ULK2: variants seen among roughly 807,000 people sequenced by gnomAD.
ULK2 encodes unc-51 like autophagy activating kinase 2, also known as serine/threonine-protein kinase ULK2.
A neutral mutation model predicts 127.5 loss-of-function variants in ULK2; 76 were observed. The observed-to-expected ratio is 0.60, with a 90% CI of 0.50 to 0.72. The LOEUF (loss-of-function observed/expected upper bound fraction) is 0.72, where lower values mean the gene tolerates loss of function less well. Ranked by LOEUF, ULK2 falls within the 30% of genes least tolerant of loss-of-function variation. The pLI, the probability that ULK2 is intolerant of heterozygous loss-of-function variation, is 0.00. For synonymous variants in ULK2, 452 were observed against 461.9 expected (o/e 0.98, Z 0.28); for missense variants, 1,144 against 1,295.9 (o/e 0.88, Z 1.80).
rs1036886062 is a variant in ULK2 at position 19,796,098 on chromosome 17, C to A, written c.1994G>T (p.Gly665Val). The part of the protein sequence containing the change: ...RAEQQSKAVF[G>V]RSVSTGKLSD... ...TAGAATGGAAACAGTCTTTTACCTG[C>A]CAAACACTGCCTTGCTCTGCTGCTC... The change falls in exon 19 of 27, where the codon GGC becomes GTC. Residue 665 changes from glycine to valine, a missense_variant. Gly to Val is a moderately radical substitution (Grantham distance 109). Coordinates refer to ENST00000395544, the MANE Select transcript of ULK2 (RefSeq NM_014683.4). The A allele has an allele frequency of 1.2e-6, 2 of 1,606,394 alleles. No homozygotes were observed. Among genetic ancestry groups the A allele is most frequent in the Non-Finnish European group, 1.7e-6 (2 of 1,177,420 alleles).
chr17:19,798,716 C>T (rs1357082386), intron 17 of ULK2, among the ~76,000 whole-genome samples: 2 of 152,174 alleles, frequency 1.3e-5, no homozygotes, highest in Non-Finnish European at 2.9e-5. Context: ...CTTTAACTGG[C>T]CAACTCCTTA....
At chr17:19,821,428 TG>T (rs11325637) in intron 12 of ULK2, among the ~76,000 whole-genome samples, 146,187 of 152,124 alleles carry the variant, frequency 0.96, 70,435 homozygotes, top group African/African-American at 0.99. Flanking sequence ...TTTTTTGTTT[TG>T]GGGGGGGCCT....
At chr17:19,818,914 C>CCT (rs2041066862) in intron 12 of ULK2, among the ~76,000 whole-genome samples, 1 of 151,088 alleles carries the variant, frequency 6.6e-6, no homozygotes, top group Admixed American at 6.6e-5. Flanking sequence ...GATTCTCCTG[C>CCT]CTCAGCCTCT....
chr17:19,840,552 T>G, intron 9 of ULK2: 1 of 302,930 alleles, frequency 3.3e-6, no homozygotes, highest in South Asian at 3.9e-5. Context: ...CCTGCCTAAA[T>G]AGTCTATTAA....
intron 1 of ULK2, among the ~76,000 whole-genome samples, chr17:19,867,073 C>A (rs895953325): frequency 3.3e-5 from 5 of 152,180 alleles, no homozygotes; most frequent in Non-Finnish European, 7.4e-5. Context: ...CTCCTGCGGG[C>A]GGACCGCGGG....
chr17:19,803,799 G>A (rs1238128163), intron 15 of ULK2, among the ~76,000 whole-genome samples: 1 of 152,120 alleles, frequency 6.6e-6, no homozygotes, highest in African/African-American at 2.4e-5. Context: ...TTGTGTAAAT[G>A]CAATTTCATA....
intron 9 of ULK2, chr17:19,840,119 C>A (rs1320431725): frequency 5.3e-6 from 2 of 377,750 alleles, no homozygotes; most frequent in Non-Finnish European, 1.1e-5. Flanking sequence ...AGCTCTGGGT[C>A]ACCAAGATGT....
At chr17:19,864,302 T>C (rs187126204) in intron 3 of ULK2, among the ~76,000 whole-genome samples, 1 of 152,064 alleles carries the variant, frequency 6.6e-6, no homozygotes, top group South Asian at 2.1e-4. Flanking sequence ...ACTCCATCTC[T>C]ATGAAAAACA....
At chr17:19,795,589 T>A in intron 20 of ULK2, 33 bp downstream of exon 20, 2 of 1,569,052 alleles carry the variant, frequency 1.3e-6, no homozygotes, top group Non-Finnish European at 1.8e-6. Flanking sequence ...GCTAGCAAAT[T>A]ACCTGCCTAA....
intron 3 of ULK2, among the ~76,000 whole-genome samples, chr17:19,852,805 T>C (rs2152400355): frequency 6.6e-6 from 1 of 151,116 alleles, no homozygotes; most frequent in East Asian, 2.0e-4. Context: ...TAGTTTTTTG[T>C]TGTTGTTGTT....
chr17:19,859,731 G>C (rs1567730758), intron 3 of ULK2, among the ~76,000 whole-genome samples: 1 of 152,192 alleles, frequency 6.6e-6, no homozygotes, highest in Non-Finnish European at 1.5e-5. Context: ...GGAGTACAGT[G>C]GCCAGTGGTG....
At position 19,864,443 on chromosome 17, in the gene ULK2, G is replaced by A. The variant is rs191610262; in HGVS notation, c.225+360C>T. ...TGAGCCGAGATCAAGCCACTGCACTGCAGCCCAAGAGACAGAGTGAGACTC... is the reference window on the plus strand; with the variant it reads ...TGAGCCGAGATCAAGCCACTGCACTACAGCCCAAGAGACAGAGTGAGACTC... On this transcript the variant is annotated intron_variant, in intron 3 of 26. Transcript: ENST00000395544. Among the ~76,000 whole-genome samples, 28 of 151,454 alleles carry A rather than the reference G, an allele frequency of 1.8e-4. 1 individual carries two copies. The East Asian group carries it at 5.4e-3, about 29-fold the overall frequency.
intron 20 of ULK2, among the ~76,000 whole-genome samples, chr17:19,795,164 GAC>G (rs945841049): frequency 4.0e-5 from 6 of 151,286 alleles, no homozygotes; most frequent in Non-Finnish European, 8.8e-5. Context: ...TTTGTTTTTT[GAC>G]ACACAGGCCA....
rs1249043578 is a variant in ULK2 at position 19,835,405 on chromosome 17, A to G, written c.787+3096T>C. Among the ~76,000 whole-genome samples, 30 of 150,468 alleles carry G rather than the reference A, an allele frequency of 2.0e-4. 1 individual carries two copies. The highest frequency in any genetic ancestry group is 2.0e-3 in the Admixed American group (30 of 15,134). On this transcript the variant is annotated intron_variant, in intron 10 of 26. Transcript: ENST00000395544. ...CTCAACTAGTTTTTATATAAAGTAG[A>G]CTGTGATAAATTAAGATGCATACTG...
chr17:19,846,418 T>A (rs894498465), intron 6 of ULK2, among the ~76,000 whole-genome samples: 1 of 152,026 alleles, frequency 6.6e-6, no homozygotes, highest in African/African-American at 2.4e-5. Flanking sequence ...GGCGGGCAGA[T>A]CACCTGAGGT....
At chr17:19,777,384 C>T (rs1037227126) in intron 26 of ULK2, among the ~76,000 whole-genome samples, 197 bp downstream of exon 26, 2 of 152,178 alleles carry the variant, frequency 1.3e-5, no homozygotes, top group Admixed American at 6.5e-5. Context: ...GGATTACAGG[C>T]GTGAGACACT....
At chr17:19,801,650 G>T (rs994782501) in intron 16 of ULK2, 127 bp downstream of exon 16, 4 of 1,214,932 alleles carry the variant, frequency 3.3e-6, no homozygotes, top group Non-Finnish European at 1.2e-6. Context: ...TGGAGGGACG[G>T]GGTATGGCCT....
Position 19,816,870 on chromosome 17 carries a change from T to C in ULK2, c.975A>G (p.Pro325=). The change falls in exon 13 of 27, where the codon CCA becomes CCG. Residue 325 remains proline, a synonymous_variant. Transcript: ENST00000395544. ...CTTGTAGATAGTTGGGAGGACCCAA[T>C]GGTGGGGAAGATAAGTTTTCTTCCT... ...HIQEENLSSP[P]LGPPNYLQVS... is the part of the protein sequence containing the mutation. 6.2e-7 allele frequency: 1 copy of C among 1,611,034 alleles called. No individual in the cohort carries two copies. Among genetic ancestry groups the C allele is most frequent in the Non-Finnish European group, 8.5e-7 (1 of 1,179,114 alleles).
chr17:19,841,606 A>C, intron 8 of ULK2, 59 bp from the exon 9 acceptor site: 1 of 1,357,782 alleles, frequency 7.4e-7, no homozygotes, highest in Non-Finnish European at 1.0e-6. Context: ...TTCAAATCAT[A>C]TGATTGACAC....
Sources: gnomAD v4.1 joint callset for allele counts (sites outside exome capture counted in the v4.1 genomes callset) on GRCh38, gnomAD v4.1.1 for gene constraint, MANE v1.5 for transcripts, NCBI Gene and HGNC (gene_info 2026-07-23, HGNC 2026-07-21) for gene names.